Variants in RFX4 observed in about 807,000 individuals in gnomAD.
RFX4 encodes regulatory factor X4.
Under a neutral mutation model 95.0 loss-of-function variants are expected in RFX4, and 10 were observed. The ratio of observed to expected loss-of-function variants is 0.11; its 90% CI spans 0.06 to 0.18. The LOEUF (loss-of-function observed/expected upper bound fraction) is 0.18, where lower values mean the gene tolerates loss of function less well. Among genes scored for constraint, RFX4 ranks in the 10% least tolerant of loss-of-function variants. The pLI is 1.00. For synonymous variants in RFX4, 321 were observed against 340.7 expected, an observed-to-expected ratio of 0.94 and a Z score of 0.64; for missense variants, 640 against 922.0, an observed-to-expected ratio of 0.69 and a Z score of 3.96.
Position 106,663,345 on chromosome 12 carries a change from G to A in RFX4, c.315+8994G>A, listed in dbSNP as rs148823511. Among the ~76,000 whole-genome samples the A allele has an allele frequency of 1.0e-3, 159 of 152,002 alleles. 2 individuals are homozygous for A. In the East Asian group the frequency reaches 0.022, roughly 21 times the overall value. On this transcript the variant is annotated intron_variant, in intron 4 of 17. Coordinates refer to ENST00000392842, the MANE Select transcript of RFX4 (RefSeq NM_213594.3). The stretch of plus-strand genomic sequence containing the variant: ...ACATAAATAGTATTGTGTTTTCAAC[G>A]TCAAATACCACTTGTTTATTACTGG...
At chr12:106,689,410 T>G (rs1592942772) in intron 7 of RFX4, 46 bp downstream of exon 7, 1 of 1,461,720 alleles carries the variant, frequency 6.8e-7, no homozygotes, top group Non-Finnish European at 9.6e-7. Context: ...ATTAAAAATC[T>G]TGTAACACTA....
At position 106,641,967 on chromosome 12, in the gene RFX4, CTATCTATATCTA is replaced by C. The variant is rs57799769; in HGVS notation, c.191+2619_191+2630del. On this transcript the variant is annotated intron_variant, in intron 3 of 17. Transcript: ENST00000392842. ...TGTCTATATCTATCTATATCTATAT[CTATCTATATCTA>C]TATCTATATCTATATCTATATCTAT... Among the ~76,000 whole-genome samples, 738 of 135,016 alleles carry C rather than the reference CTATCTATATCTA, an allele frequency of 5.5e-3. 6 individuals carry two copies. Among genetic ancestry groups the C allele is most frequent in the East Asian group, 0.033 (150 of 4,598 alleles). The allele number at this position is 135,016 out of a possible 152,430, so 88.6% of individuals were successfully genotyped here.
intron 16 of RFX4, among the ~76,000 whole-genome samples, chr12:106,749,807 A>G (rs920115486): frequency 3.3e-5 from 5 of 152,168 alleles, no homozygotes; most frequent in Non-Finnish European, 5.9e-5. Flanking sequence ...AAAGTCGTGG[A>G]GCCTGATTTA....
chr12:106,698,249 C>T (rs1592953108), intron 8 of RFX4, among the ~76,000 whole-genome samples: 1 of 152,168 alleles, frequency 6.6e-6, no homozygotes, highest in East Asian at 1.9e-4. Context: ...GCTGGGATTA[C>T]AGACGTGAGC....
intron 2 of RFX4, among the ~76,000 whole-genome samples, chr12:106,619,113 G>C (rs1457591462): frequency 6.6e-6 from 1 of 152,028 alleles, no homozygotes; most frequent in East Asian, 1.9e-4. Context: ...ACCCCACAAG[G>C]CATAATTATT....
intron 8 of RFX4, among the ~76,000 whole-genome samples, chr12:106,703,065 G>T (rs969630323): frequency 6.6e-6 from 1 of 152,148 alleles, no homozygotes; most frequent in Non-Finnish European, 1.5e-5. Flanking sequence ...TTAGCAATTT[G>T]TTAAAAGTGT....
intron 2 of RFX4, among the ~76,000 whole-genome samples, chr12:106,624,739 T>TA: frequency 1.3e-5 from 2 of 152,326 alleles, no homozygotes; most frequent in Admixed American, 1.3e-4. Flanking sequence ...TATCTGGCTC[T>TA]ATGCAGAAAA....
At chr12:106,669,017 AC>A (rs2137361191) in intron 4 of RFX4, among the ~76,000 whole-genome samples, 1 of 152,340 alleles carries the variant, frequency 6.6e-6, no homozygotes, top group African/African-American at 2.4e-5. Flanking sequence ...CCTCAATCCC[AC>A]TTATTTAAGT....
At chr12:106,694,383 T>C (rs1020942645) in intron 7 of RFX4, among the ~76,000 whole-genome samples, 1 of 152,214 alleles carries the variant, frequency 6.6e-6, no homozygotes, top group Non-Finnish European at 1.5e-5. Context: ...ATGGCTCTAC[T>C]AGCCAGAGGC....
At chr12:106,719,688 G>T (rs1052404445) in intron 11 of RFX4, among the ~76,000 whole-genome samples, 4 of 152,010 alleles carry the variant, frequency 2.6e-5, no homozygotes. Context: ...GAAAAAAAAA[G>T]ACTAAGGCTA....
At position 106,686,928 on chromosome 12, in the gene RFX4, A is replaced by C; in HGVS notation, c.422A>C (p.Tyr141Ser). 6.2e-7 allele frequency: 1 copy of C among 1,613,210 alleles called. No individual in the cohort carries two copies. The highest frequency in any genetic ancestry group is 8.5e-7 in the Non-Finnish European group (1 of 1,179,910). ...GCAGTGAAAGAAAGCTCCCAATATT[A>C]TGATGTGATGTATTCCAAGAAAGGA... ...GIAVKESSQY[Y>S]DVMYSKKGAA... The change falls in exon 6 of 18, where the codon TAT (tyrosine) becomes TCT (serine). Residue 141 changes from tyrosine to serine, a missense_variant. Coordinates refer to ENST00000392842, the MANE Select transcript of RFX4 (RefSeq NM_213594.3).
chr12:106,743,348 ACTG>A (rs996289990), intron 15 of RFX4, among the ~76,000 whole-genome samples: 3 of 152,176 alleles, frequency 2.0e-5, no homozygotes, highest in Admixed American at 1.3e-4. Flanking sequence ...AGCAATTCTC[ACTG>A]GAGGTCTCAC....
At chr12:106,692,368 T>C (rs558322527) in intron 7 of RFX4, among the ~76,000 whole-genome samples, 4 of 152,278 alleles carry the variant, frequency 2.6e-5, no homozygotes, top group South Asian at 2.1e-4. Flanking sequence ...ACCTATCTCA[T>C]AGTGAACATG....
intron 5 of RFX4, among the ~76,000 whole-genome samples, 178 bp from the exon 6 acceptor site, chr12:106,686,706 T>C (rs1166806536): frequency 6.6e-6 from 1 of 152,150 alleles, no homozygotes; most frequent in Non-Finnish European, 1.5e-5. Context: ...TAATTCTATA[T>C]TTCAGTGATA....
At chr12:106,745,932 A>T (rs961030666) in intron 15 of RFX4, among the ~76,000 whole-genome samples, 1 of 152,144 alleles carries the variant, frequency 6.6e-6, no homozygotes, top group African/African-American at 2.4e-5. Flanking sequence ...AATTATCATT[A>T]AAAAAAATTC....
chr12:106,667,589 T>G (rs181174285), intron 4 of RFX4, among the ~76,000 whole-genome samples: 1 of 152,248 alleles, frequency 6.6e-6, no homozygotes, highest in Non-Finnish European at 1.5e-5. Context: ...TCACAACTTG[T>G]CAATTACAAT....
At chr12:106,652,896 T>A (rs899281452) in intron 3 of RFX4, among the ~76,000 whole-genome samples, 1 of 152,218 alleles carries the variant, frequency 6.6e-6, no homozygotes, top group Non-Finnish European at 1.5e-5. Flanking sequence ...CTTGAGGACA[T>A]TTATTTCATC....
rs999535905 is a variant in RFX4 at position 106,709,359 on chromosome 12, A to G, written c.863A>G (p.Lys288Arg). Residue 288 changes from lysine to arginine, a missense_variant, in exon 9 of 18, where the codon AAG becomes AGG. Physicochemically the swap from Lys to Arg is conservative, Grantham distance 26. This residue lies in a region of RFX4 where 96 missense variants were observed against 183.7 expected (regional missense o/e 0.52). Coordinates refer to ENST00000392842, the MANE Select transcript of RFX4 (RefSeq NM_213594.3). ...SLTQVIRKFA[K>R]QLDEWLKVAL... ...ACTCAGGTGATTCGAAAGTTTGCCAAGCAACTGGATGAGTGGCTAAAAGTG... is the reference window on the plus strand; with the variant it reads ...ACTCAGGTGATTCGAAAGTTTGCCAGGCAACTGGATGAGTGGCTAAAAGTG... 2.9e-5 allele frequency: 47 copies of G among 1,613,472 alleles called. No homozygotes were observed. Among genetic ancestry groups the G allele is most frequent in the Non-Finnish European group, 3.7e-5 (44 of 1,179,924 alleles).
At chr12:106,712,450 C>T (rs1029658527) in intron 10 of RFX4, among the ~76,000 whole-genome samples, 3 of 152,132 alleles carry the variant, frequency 2.0e-5, no homozygotes, top group Admixed American at 1.3e-4. Context: ...CTGCCTGCCC[C>T]CTTCCTGTGT....
Sources: gnomAD v4.1 joint callset for allele counts (sites outside exome capture counted in the v4.1 genomes callset) on GRCh38, gnomAD v4.1.1 for gene constraint, gnomAD v4.1.1 regional missense constraint, MANE v1.5 for transcripts, NCBI Gene and HGNC (gene_info 2026-07-23, HGNC 2026-07-21) for gene names.